The following STK38L variants were observed in gnomAD, a reference collection of about 807,000 sequenced individuals.
STK38L encodes the protein serine/threonine kinase 38 like, also known as serine/threonine-protein kinase 38-like.
STK38L carries 28 observed loss-of-function variants against 59.7 expected under a neutral mutation model. The ratio of observed to expected loss-of-function variants is 0.47; its 90% confidence interval spans 0.35 to 0.64. STK38L has a LOEUF of 0.64. Ranked by LOEUF, STK38L falls within the 30% of genes least tolerant of loss-of-function variation. STK38L has a pLI of 0.01. For synonymous variants in STK38L, 162 were observed against 176.8 expected, an observed-to-expected ratio of 0.92 and a Z score of 0.66; for missense variants, 314 against 555.8, an observed-to-expected ratio of 0.56 and a Z score of 4.37.
intron 1 of STK38L, among the ~76,000 whole-genome samples, chr12:27,281,071 T>G (rs200290636): frequency 6.2e-4 from 1 of 1,610 alleles, no homozygotes; most frequent in Admixed American, 3.6e-3. Context: ...AGCTTTGTTT[T>G]TTTTTTTTTT....
chr12:27,281,484 G>A (rs998190154), intron 1 of STK38L, among the ~76,000 whole-genome samples: 11 of 152,156 alleles, frequency 7.2e-5, no homozygotes, highest in Non-Finnish European at 1.2e-4. Context: ...CTGCTCTGAC[G>A]TTTTCCAGTT....
chr12:27,269,380 T>C (rs1306639374), intron 1 of STK38L, among the ~76,000 whole-genome samples: 1 of 152,174 alleles, frequency 6.6e-6, no homozygotes, highest in Non-Finnish European at 1.5e-5. Flanking sequence ...AATAGGGAAT[T>C]GTTTCCCCAT....
chr12:27,257,838 C>G (rs1943120587), intron 1 of STK38L, among the ~76,000 whole-genome samples: 1 of 151,256 alleles, frequency 6.6e-6, no homozygotes, highest in South Asian at 2.1e-4. Flanking sequence ...TAGGGGCAGC[C>G]ATTTCACACT....
Position 27,308,919 on chromosome 12 carries a change from AAT to A in STK38L, c.310-187_310-186del, listed in dbSNP as rs1233384709. 1.4e-4 allele frequency among the ~76,000 whole-genome samples: 20 copies of A among 146,070 alleles called. No homozygotes were observed. Among genetic ancestry groups the A allele is most frequent in the Admixed American group, 4.8e-4 (7 of 14,500 alleles). ...ATATAAATATATATAAATATATATT[AAT>A]ATATATAAAATATATATAAATATAT... On this transcript the variant is annotated intron_variant, in intron 4 of 13. Coordinates refer to ENST00000389032, the MANE Select transcript of STK38L (RefSeq NM_015000.4). This position sits in a 1 kb window ranked among gnomAD's most constrained non-coding sequence, Gnocchi z 4.5.
intron 12 of STK38L, among the ~76,000 whole-genome samples, chr12:27,319,852 A>G (rs1172298025): frequency 6.6e-6 from 1 of 152,308 alleles, no homozygotes; most frequent in East Asian, 1.9e-4. Flanking sequence ...ATTTGCTTAC[A>G]GTTGTTAATT....
At chr12:27,253,367 G>C (rs1200283041) in intron 1 of STK38L, among the ~76,000 whole-genome samples, 1 of 152,202 alleles carries the variant, frequency 6.6e-6, no homozygotes, top group Non-Finnish European at 1.5e-5. Flanking sequence ...CCAGTGAAGA[G>C]ACAAATAATC....
At chr12:27,261,235 G>A (rs920481784) in intron 1 of STK38L, among the ~76,000 whole-genome samples, 2 of 152,110 alleles carry the variant, frequency 1.3e-5, no homozygotes, top group Non-Finnish European at 2.9e-5. Flanking sequence ...GAATTCTAGC[G>A]GCTATCCCAA....
intron 1 of STK38L, among the ~76,000 whole-genome samples, chr12:27,268,941 C>T (rs1383553551): frequency 1.3e-5 from 2 of 152,174 alleles, no homozygotes; most frequent in Non-Finnish European, 2.9e-5. Flanking sequence ...CTGTTCATAT[C>T]CTTCGCCCAC....
Position 27,308,930 on chromosome 12 carries a change from A to T in STK38L, c.310-184A>T, listed in dbSNP as rs1023296893. On this transcript the variant is annotated intron_variant, in intron 4 of 13. Transcript: ENST00000389032. This position sits in a 1 kb window ranked among gnomAD's most constrained non-coding sequence, Gnocchi z 4.5. ...TATAAATATATATTAATATATATAA[A>T]ATATATATAAATATATATATAACAT... Among the ~76,000 whole-genome samples, 9 of 145,248 alleles carry T rather than the reference A, an allele frequency of 6.2e-5. No homozygotes were observed. Among genetic ancestry groups the T allele is most frequent in the Non-Finnish European group, 1.2e-4 (8 of 66,064 alleles).
chr12:27,255,390 C>T (rs1943070761), intron 1 of STK38L, among the ~76,000 whole-genome samples: 1 of 152,196 alleles, frequency 6.6e-6, no homozygotes, highest in African/African-American at 2.4e-5. Flanking sequence ...TTTTTTAGAA[C>T]TTACACAAGA....
At chr12:27,253,155 A>T (rs1943013902) in intron 1 of STK38L, among the ~76,000 whole-genome samples, 1 of 152,216 alleles carries the variant, frequency 6.6e-6, no homozygotes, top group South Asian at 2.1e-4. Context: ...TCTGTACAGC[A>T]CCTGGTAAGT....
chr12:27,273,070 AT>A (rs1252446325), intron 1 of STK38L, among the ~76,000 whole-genome samples: 2 of 150,522 alleles, frequency 1.3e-5, no homozygotes, highest in Non-Finnish European at 3.0e-5. Context: ...TTTTTTTAAG[AT>A]CCTCATGACC....
At chr12:27,278,694 A>G (rs1472406655) in intron 1 of STK38L, among the ~76,000 whole-genome samples, 2 of 152,164 alleles carry the variant, frequency 1.3e-5, no homozygotes, top group Non-Finnish European at 2.9e-5. Flanking sequence ...GTTTTCTATA[A>G]TCAATAACAA....
intron 1 of STK38L, among the ~76,000 whole-genome samples, chr12:27,259,420 A>T (rs1364022281): frequency 2.0e-5 from 3 of 152,110 alleles, no homozygotes; most frequent in Non-Finnish European, 4.4e-5. Flanking sequence ...CATGGGCATC[A>T]GTTCTTTCAT....
chr12:27,319,319 A>G lies in STK38L; in HGVS notation c.1080-9A>G. On this transcript the variant is annotated splice_polypyrimidine_tract_variant and intron_variant, in intron 11 of 13. Coordinates refer to ENST00000389032, the MANE Select transcript of STK38L (RefSeq NM_015000.4). ...TGTGTATGATAATTTCTCTGTTTCC[A>G]TGTTGTAGATTTTGTATTGATTCTG... 2 of 1,574,928 alleles carry G rather than the reference A, an allele frequency of 1.3e-6. No homozygotes were observed. The highest frequency in any genetic ancestry group is 8.7e-7 in the Non-Finnish European group (1 of 1,145,578).
At position 27,295,682 on chromosome 12, in the gene STK38L, A is replaced by C. The variant is rs1944001726; in HGVS notation, c.-11-2028A>C. ...GGAGATGTTCCTGGTTTGGTGGAGT[A>C]ACTGTTAGGGCCGAATTTTTCTTAG... On this transcript the variant is annotated intron_variant, in intron 1 of 13. Transcript: ENST00000389032. 2.0e-5 allele frequency among the ~76,000 whole-genome samples: 3 copies of C among 152,186 alleles called. No homozygotes were observed. The South Asian group carries it at 6.2e-4, about 31-fold the overall frequency.
At chr12:27,314,908 C>T in intron 7 of STK38L, 107 bp from the exon 8 acceptor site, 1 of 960,550 alleles carries the variant, frequency 1.0e-6, no homozygotes, top group Non-Finnish European at 1.5e-6. Flanking sequence ...GTGTATAAAT[C>T]CCAAGCTAAG....
intron 1 of STK38L, among the ~76,000 whole-genome samples, chr12:27,253,046 G>A (rs895362423): frequency 9.9e-5 from 15 of 152,210 alleles, no homozygotes; most frequent in African/African-American, 3.6e-4. Context: ...GCTTCTGGCT[G>A]TAGAGATTAG....
chr12:27,313,505 C>T (rs564399981), intron 6 of STK38L, among the ~76,000 whole-genome samples: 8 of 152,190 alleles, frequency 5.3e-5, no homozygotes, highest in African/African-American at 1.7e-4. Context: ...TCTCAGCCTC[C>T]TGAGTAGCTG....
Sources: gnomAD v4.1 joint callset for allele counts (sites outside exome capture counted in the v4.1 genomes callset) on GRCh38, gnomAD v4.1.1 for gene constraint, Gnocchi (gnomAD v3.1) non-coding constraint, MANE v1.5 for transcripts, NCBI Gene and HGNC (gene_info 2026-07-23, HGNC 2026-07-21) for gene names.